TSHZ2: variants seen among roughly 807,000 people sequenced by gnomAD.
TSHZ2 encodes teashirt zinc finger homeobox 2, also known as teashirt homolog 2.
A neutral mutation model predicts 74.4 loss-of-function variants in TSHZ2; 21 were observed. That is an observed-to-expected ratio of 0.28 (90% CI 0.20 to 0.41). The LOEUF is 0.41. Ranked by LOEUF, TSHZ2 falls within the 10% of genes least tolerant of loss-of-function variation. TSHZ2 has a pLI of 1.00. For synonymous variants in TSHZ2, 540 were observed against 515.3 expected, an observed-to-expected ratio of 1.05 and a Z score of -0.65; for missense variants, 1,244 against 1,293.5, an observed-to-expected ratio of 0.96 and a Z score of 0.59.
At chr20:53,249,370 C>T (rs897706775) in intron 1 of TSHZ2, among the ~76,000 whole-genome samples, 2 of 152,150 alleles carry the variant, frequency 1.3e-5, no homozygotes, top group Non-Finnish European at 1.5e-5. Context: ...GAACTGAGCA[C>T]TGGGGAGGAG....
chr20:53,210,223 C>G (rs575130581), intron 1 of TSHZ2, among the ~76,000 whole-genome samples: 1 of 152,206 alleles, frequency 6.6e-6, no homozygotes, highest in African/African-American at 2.4e-5. Flanking sequence ...CTGCCATCCA[C>G]GGATGGCTAG....
At chr20:53,088,892 C>T (rs1985781724) in intron 1 of TSHZ2, among the ~76,000 whole-genome samples, 1 of 152,128 alleles carries the variant, frequency 6.6e-6, no homozygotes. Context: ...TGTTGCTATT[C>T]AGCTTTCAAG....
chr20:53,435,281 A>G (rs1984003691), intron 2 of TSHZ2, among the ~76,000 whole-genome samples: 1 of 152,250 alleles, frequency 6.6e-6, no homozygotes, highest in African/African-American at 2.4e-5. Context: ...AAAGACAAGC[A>G]AGACCATCAG....
At chr20:53,102,870 C>CT (rs548034255) in intron 1 of TSHZ2, among the ~76,000 whole-genome samples, 1,696 of 141,692 alleles carry the variant, frequency 0.012, 11 homozygotes, top group African/African-American at 0.028. Context: ...CAGCATCTTT[C>CT]TTTTTTTTTT....
intron 1 of TSHZ2, among the ~76,000 whole-genome samples, chr20:53,094,794 T>C (rs1985991187): frequency 6.6e-6 from 1 of 152,202 alleles, no homozygotes. Context: ...AAATCAGGAC[T>C]GATGGATTTT....
chr20:53,192,579 C>A lies in TSHZ2; in HGVS notation c.41-60920C>A, dbSNP rs868461446. On this transcript the variant is annotated intron_variant, in intron 1 of 2. Transcript: ENST00000371497. ...AGTGTCTGGAAAAAAAAAAAAAAAA[C>A]CCACAACAACTGGTCTATGAATTGG... 6.3e-3 allele frequency among the ~76,000 whole-genome samples: 801 copies of A among 126,810 alleles called. 8 individuals are homozygous for A. The highest frequency in any genetic ancestry group is 0.02 in the African/African-American group (738 of 36,356). The allele number at this position is 126,810 out of a possible 152,430, so 83.2% of individuals were successfully genotyped here.
intron 1 of TSHZ2, among the ~76,000 whole-genome samples, chr20:53,099,546 G>A (rs113178209): frequency 0.026 from 3,979 of 152,158 alleles, 74 homozygotes; most frequent in Non-Finnish European, 0.041. Context: ...CTGTTTTCAC[G>A]CTGCTGATAA....
chr20:53,400,648 G>T (rs1001917067), intron 2 of TSHZ2, among the ~76,000 whole-genome samples: 6 of 152,082 alleles, frequency 3.9e-5, no homozygotes, highest in Non-Finnish European at 8.8e-5. Context: ...ACTCTCTACT[G>T]CCTCACCTTC....
At chr20:53,194,828 TC>T (rs1461037283) in intron 1 of TSHZ2, among the ~76,000 whole-genome samples, 2 of 152,248 alleles carry the variant, frequency 1.3e-5, no homozygotes, top group African/African-American at 4.8e-5. Flanking sequence ...TTTTGAAATG[TC>T]CATTATGGAT....
chr20:53,402,462 G>A (rs1982703283), intron 2 of TSHZ2, among the ~76,000 whole-genome samples: 1 of 152,188 alleles, frequency 6.6e-6, no homozygotes, highest in Admixed American at 6.5e-5. Flanking sequence ...GCCTAGGTGT[G>A]TAGGAGGCTA....
Position 53,299,367 on chromosome 20 carries a change from G to T in TSHZ2, c.*8+42796G>T, listed in dbSNP as rs138380549. Among the ~76,000 whole-genome samples the T allele has an allele frequency of 6.4e-4, 97 of 152,248 alleles. 1 individual carries two copies. The highest frequency in any genetic ancestry group is 2.1e-3 in the African/African-American group (89 of 41,548). Reference sequence around the variant, plus strand: ...TACAATGACTCCTCAGCTCACCACTGCGTTTTTGTGGATATGATTGTCTTT... The same window carrying T: ...TACAATGACTCCTCAGCTCACCACTTCGTTTTTGTGGATATGATTGTCTTT... On this transcript the variant is annotated intron_variant, in intron 2 of 2. Transcript: ENST00000371497.
At chr20:53,139,931 A>G (rs940750957) in intron 1 of TSHZ2, among the ~76,000 whole-genome samples, 3 of 151,970 alleles carry the variant, frequency 2.0e-5, no homozygotes, top group Non-Finnish European at 4.4e-5. Flanking sequence ...CTCTAATCCC[A>G]TCCTCTTTAT....
chr20:53,001,141 T>C (rs1600638987), intron 1 of TSHZ2, among the ~76,000 whole-genome samples: 1 of 151,906 alleles, frequency 6.6e-6, no homozygotes, highest in East Asian at 1.9e-4. Context: ...CAACAGGAAC[T>C]CTATGAACCC....
chr20:53,177,213 T>C (rs1988364582), intron 1 of TSHZ2, among the ~76,000 whole-genome samples: 1 of 152,148 alleles, frequency 6.6e-6, no homozygotes, highest in Admixed American at 6.6e-5. Context: ...CCTACCTGCC[T>C]TACCAGGGGT....
At chr20:53,321,721 C>T (rs561709689) in intron 2 of TSHZ2, among the ~76,000 whole-genome samples, 1 of 145,508 alleles carries the variant, frequency 6.9e-6, no homozygotes, top group Non-Finnish European at 1.5e-5. Context: ...CCTAAGCCAG[C>T]AGATGACAAA....
rs527468099 is a variant in TSHZ2 at position 53,480,488 on chromosome 20, GC to G, written c.*9-6653del. Among the ~76,000 whole-genome samples the G allele has an allele frequency of 5.4e-3, 816 of 151,756 alleles. 2 individuals carry two copies. The highest frequency in any genetic ancestry group is 7.9e-3 in the Non-Finnish European group (535 of 67,940). On this transcript the variant is annotated intron_variant, in intron 2 of 2. Transcript: ENST00000371497. The stretch of plus-strand genomic sequence containing the variant: ...CAGCTGAATCAGGAGGTTCACTTGA[GC>G]CCAGGAGATCAAGGCTGCAGTGAAC...
chr20:52,993,113 G>T (rs1023690648), intron 1 of TSHZ2, among the ~76,000 whole-genome samples: 1 of 151,996 alleles, frequency 6.6e-6, no homozygotes, highest in African/African-American at 2.4e-5. Context: ...TTTCTCTCTG[G>T]GAATCTGGCT....
intron 2 of TSHZ2, among the ~76,000 whole-genome samples, chr20:53,374,410 A>G (rs1191132526): frequency 6.6e-6 from 1 of 152,162 alleles, no homozygotes; most frequent in Non-Finnish European, 1.5e-5. Flanking sequence ...ATTTAGGTTG[A>G]TCCCATGTCT....
chr20:53,054,555 A>G (rs1329563065), intron 1 of TSHZ2, among the ~76,000 whole-genome samples: 2 of 152,232 alleles, frequency 1.3e-5, no homozygotes, highest in African/African-American at 2.4e-5. Context: ...CCATTGAAAC[A>G]TCTGAAACCT....
Sources: gnomAD v4.1 joint callset for allele counts (sites outside exome capture counted in the v4.1 genomes callset) on GRCh38, gnomAD v4.1.1 for gene constraint, MANE v1.5 for transcripts, NCBI Gene and HGNC (gene_info 2026-07-23, HGNC 2026-07-21) for gene names.